The following PRKG1 variants were observed in gnomAD, a reference collection of about 807,000 sequenced individuals.
The protein encoded by PRKG1 is protein kinase cGMP-dependent 1.
Under a neutral mutation model 88.1 loss-of-function variants are expected in PRKG1, and 35 were observed. The ratio of observed to expected loss-of-function variants is 0.40; its 90% CI spans 0.30 to 0.53. The LOEUF (loss-of-function observed/expected upper bound fraction) is 0.53, where lower values mean the gene tolerates loss of function less well. Ranked by LOEUF, PRKG1 falls within the 20% of genes least tolerant of loss-of-function variation. PRKG1 has a pLI of 0.59. For missense variants in PRKG1, 540 were observed against 839.8 expected (o/e 0.64, Z 4.41); for synonymous variants, 303 against 292.5 (o/e 1.04, Z -0.37).
At chr10:52,005,005 A>G (rs1844694687) in intron 5 of PRKG1, among the ~76,000 whole-genome samples, 1 of 152,022 alleles carries the variant, frequency 6.6e-6, no homozygotes, top group South Asian at 2.1e-4. Flanking sequence ...ATCCCCCTTC[A>G]CCTTCCTTTC....
At chr10:51,396,034 C>T (rs1837568007) in intron 2 of PRKG1, among the ~76,000 whole-genome samples, 1 of 152,208 alleles carries the variant, frequency 6.6e-6, no homozygotes, top group African/African-American at 2.4e-5. Flanking sequence ...ATGTACATAA[C>T]ACTTTTATCT....
intron 3 of PRKG1, among the ~76,000 whole-genome samples, chr10:51,668,816 A>G (rs1467738048): frequency 6.6e-6 from 1 of 152,332 alleles, no homozygotes; most frequent in Non-Finnish European, 1.5e-5. Flanking sequence ...TGTGCATCTC[A>G]ATTCAGAAAG....
chr10:51,634,067 T>A (rs752566473), intron 3 of PRKG1, among the ~76,000 whole-genome samples: 5 of 152,144 alleles, frequency 3.3e-5, no homozygotes, highest in Non-Finnish European at 7.4e-5. Context: ...ATTGATGACA[T>A]ATCACTTAGC....
intron 9 of PRKG1, among the ~76,000 whole-genome samples, chr10:52,221,017 A>G (rs184320497): frequency 9.7e-4 from 147 of 152,196 alleles, no homozygotes; most frequent in South Asian, 2.1e-4. Flanking sequence ...ACTCCCACCA[A>G]CAGTGTATAA....
chr10:51,080,242 G>A (rs184544484), intron 1 of PRKG1, among the ~76,000 whole-genome samples: 42 of 152,252 alleles, frequency 2.8e-4, no homozygotes, highest in African/African-American at 8.4e-4. Context: ...GTCTTATAAT[G>A]AAGATACTGG....
chr10:51,780,786 G>A (rs1589280554), intron 3 of PRKG1, among the ~76,000 whole-genome samples: 1 of 152,126 alleles, frequency 6.6e-6, no homozygotes, highest in African/African-American at 2.4e-5. Context: ...ATAAAACTGC[G>A]AAGGTCATTA....
rs569803610 is a variant in PRKG1, at chr10:51,996,764, A to G, written c.763-57720A>G. 4.6e-5 allele frequency among the ~76,000 whole-genome samples: 7 copies of G among 152,308 alleles called. No individual in the cohort carries two copies. The South Asian group carries it at 1.5e-3, about 32-fold the overall frequency. On this transcript the variant is annotated intron_variant, in intron 5 of 17. Transcript: ENST00000373980. ...ATTAGAAATGGAACCCCCATATAATATAACAATCTTAGTACTGAGTATATA... is the reference window on the plus strand; with the variant it reads ...ATTAGAAATGGAACCCCCATATAATGTAACAATCTTAGTACTGAGTATATA...
intron 3 of PRKG1, among the ~76,000 whole-genome samples, chr10:51,681,671 A>T (rs1589192236): frequency 6.6e-6 from 1 of 152,096 alleles, no homozygotes; most frequent in East Asian, 1.9e-4. Context: ...TTGAGCTGGT[A>T]GTTTTTCATA....
At chr10:51,316,085 G>C (rs1364465085) in intron 2 of PRKG1, among the ~76,000 whole-genome samples, 1 of 152,172 alleles carries the variant, frequency 6.6e-6, no homozygotes, top group African/African-American at 2.4e-5. Flanking sequence ...GAAGGATGGA[G>C]TAGAAATAAC....
intron 8 of PRKG1, among the ~76,000 whole-genome samples, chr10:52,156,317 G>A (rs891158861): frequency 6.6e-6 from 1 of 151,936 alleles, no homozygotes; most frequent in African/African-American, 2.4e-5. Context: ...CCTTCCTTCT[G>A]ATAAGCATTC....
chr10:51,796,621 G>C (rs1839018863), intron 3 of PRKG1, among the ~76,000 whole-genome samples: 1 of 152,072 alleles, frequency 6.6e-6, no homozygotes, highest in African/African-American at 2.4e-5. Context: ...GTACTGTGCT[G>C]GTTAATTTTG....
chr10:51,005,868 C>A (rs1476473950), intron 1 of PRKG1, among the ~76,000 whole-genome samples: 1 of 152,214 alleles, frequency 6.6e-6, no homozygotes. Context: ...AAGCCTTTCT[C>A]TCCCCTCCTC....
At chr10:51,801,415 C>T (rs910516931) in intron 3 of PRKG1, among the ~76,000 whole-genome samples, 4 of 152,090 alleles carry the variant, frequency 2.6e-5, no homozygotes, top group African/African-American at 7.2e-5. Context: ...TGTACAAAAA[C>T]AGACCATGGG....
intron 3 of PRKG1, among the ~76,000 whole-genome samples, chr10:51,682,365 CCT>C (rs1840873003): frequency 6.6e-6 from 1 of 152,104 alleles, no homozygotes; most frequent in African/African-American, 2.4e-5. Context: ...ACAGCCCAGA[CCT>C]CTCTAATTTA....
intron 2 of PRKG1, among the ~76,000 whole-genome samples, chr10:51,351,496 T>G (rs1206290435): frequency 6.6e-6 from 1 of 151,610 alleles, no homozygotes. Flanking sequence ...TTTGCATTTC[T>G]CATCATCAGT....
At chr10:51,224,165 G>T in intron 2 of PRKG1, among the ~76,000 whole-genome samples, 1 of 152,168 alleles carries the variant, frequency 6.6e-6, no homozygotes, top group East Asian at 1.9e-4. Flanking sequence ...ATCTAGACCT[G>T]CCAAGTGTGA....
chr10:51,639,323 A>G (rs1188737412), intron 3 of PRKG1, among the ~76,000 whole-genome samples: 1 of 151,646 alleles, frequency 6.6e-6, no homozygotes, highest in Non-Finnish European at 1.5e-5. Context: ...AGTCCCAGCT[A>G]CTTGGGAGGC....
chr10:51,654,842 C>T (rs1225052127), intron 3 of PRKG1, among the ~76,000 whole-genome samples: 1 of 152,114 alleles, frequency 6.6e-6, no homozygotes, highest in East Asian at 1.9e-4. Context: ...CTAAATTTCT[C>T]TGCACATTTT....
intron 3 of PRKG1, among the ~76,000 whole-genome samples, chr10:51,647,069 C>T (rs1839932011): frequency 6.7e-6 from 1 of 150,158 alleles, no homozygotes; most frequent in Non-Finnish European, 1.5e-5. Context: ...TCTTCCAGCC[C>T]ATAATATATA....
Sources: allele counts gnomAD v4.1 joint callset (sites outside exome capture counted in the v4.1 genomes callset), GRCh38; gene constraint gnomAD v4.1.1; transcripts MANE v1.5; gene names NCBI Gene and HGNC (gene_info 2026-07-23, HGNC 2026-07-21).